The following GLI2 variants were observed in gnomAD, a reference collection of about 807,000 sequenced individuals.
GLI2 encodes GLI family zinc finger 2.
GLI2 carries 22 observed loss-of-function variants against 78.9 expected under a neutral mutation model. The observed-to-expected ratio is 0.28, with a 90% CI of 0.20 to 0.40. The LOEUF (loss-of-function observed/expected upper bound fraction) is 0.40. Among genes scored for constraint, GLI2 ranks in the 10% least tolerant of loss-of-function variants. The probability of loss-of-function intolerance (pLI) is 1.00; values close to 1 mark genes in which losing one functional copy is unlikely to be tolerated. For missense variants in GLI2, 2,097 were observed against 2,213.2 expected, an observed-to-expected ratio of 0.95 and a Z score of 1.05; for synonymous variants, 974 against 963.7, an observed-to-expected ratio of 1.01 and a Z score of -0.20.
chr2:120,736,824 C>A (rs990534807), intron 1 of GLI2, among the ~76,000 whole-genome samples: 1 of 151,824 alleles, frequency 6.6e-6, no homozygotes, highest in East Asian at 2.0e-4. Context: ...TCCTTCCTCC[C>A]CCTCGCCCGG....
chr2:120,974,767 AAAAGGC>A (rs1281260671), intron 8 of GLI2, among the ~76,000 whole-genome samples: 5 of 141,258 alleles, frequency 3.5e-5, no homozygotes, highest in African/African-American at 1.3e-4. Flanking sequence ...AAAGGAGCTA[AAAAGGC>A]TGATGAGTGT....
chr2:120,855,226 TC>T (rs1285654511), intron 2 of GLI2, among the ~76,000 whole-genome samples: 1 of 152,176 alleles, frequency 6.6e-6, no homozygotes, highest in Non-Finnish European at 1.5e-5. Context: ...GAGAAAATGG[TC>T]CCTGGGAGGT....
At chr2:120,947,753 C>T (rs918236323) in intron 3 of GLI2, among the ~76,000 whole-genome samples, 4 of 152,224 alleles carry the variant, frequency 2.6e-5, no homozygotes, top group Admixed American at 1.3e-4. Flanking sequence ...CACAGCCAAG[C>T]GGGAAGGATT....
In GLI2 at chr2:120,959,596, C is replaced by T. The variant is rs755258734; in HGVS notation, c.643+4166C>T. Reference sequence around the variant, plus strand: ...CGAGGCCTGTGTGGACGGTTACTCACGTATGTCTCTAAGAGACGCTGAACA... The same window carrying T: ...CGAGGCCTGTGTGGACGGTTACTCATGTATGTCTCTAAGAGACGCTGAACA... On this transcript the variant is annotated intron_variant, in intron 5 of 13. Coordinates refer to ENST00000361492, the MANE Select transcript of GLI2 (RefSeq NM_001374353.1). 2.0e-5 allele frequency among the ~76,000 whole-genome samples: 3 copies of T among 152,238 alleles called. No homozygotes were observed. The South Asian group carries it at 6.2e-4, about 32-fold the overall frequency.
chr2:120,939,771 G>A (rs1680367052), intron 3 of GLI2, among the ~76,000 whole-genome samples: 1 of 152,148 alleles, frequency 6.6e-6, no homozygotes, highest in Non-Finnish European at 1.5e-5. Flanking sequence ...GTTATTTAAG[G>A]TAAATGCATG....
chr2:120,951,889 C>T (rs1681013092), intron 4 of GLI2: 1 of 156,828 alleles, frequency 6.4e-6, no homozygotes, highest in Non-Finnish European at 1.4e-5. Flanking sequence ...AGTGGCAGCC[C>T]AGGCCCTGGG....
intron 2 of GLI2, among the ~76,000 whole-genome samples, chr2:120,808,307 G>A (rs1040192445): frequency 2.0e-5 from 3 of 152,152 alleles, no homozygotes; most frequent in East Asian, 3.9e-4. Context: ...CCCTGCCCCC[G>A]CCGAGTGCTG....
rs1553480328 is a variant in GLI2, at chr2:120,992,050, A to ACC, written c.*1378_*1379dup. 1,130 of 146,888 alleles carry ACC rather than the reference A, an allele frequency of 7.7e-3. 14 individuals are homozygous for ACC. Among genetic ancestry groups the ACC allele is most frequent in the African/African-American group, 0.019 (715 of 38,146 alleles). The allele number at this position is 146,888 out of a possible 1,614,324, so 9.1% of individuals were successfully genotyped here. On this transcript the variant is annotated 3_prime_UTR_variant, in exon 14 of 14. Coordinates refer to ENST00000361492, the MANE Select transcript of GLI2 (RefSeq NM_001374353.1). Reference sequence around the variant, plus strand: ...CACACACACACACACACACACACACACCCCAAACCTTTTCATGGGGAATGT... The same window carrying ACC: ...CACACACACACACACACACACACACACCCCCCAAACCTTTTCATGGGGAATGT...
At chr2:120,984,359 C>A in intron 11 of GLI2, 112 bp from the exon 12 acceptor site, 1 of 1,130,404 alleles carries the variant, frequency 8.8e-7, no homozygotes. Context: ...ACTGACGTTG[C>A]CAGCTGGGCT....
chr2:120,782,568 G>A (rs1236593205), intron 1 of GLI2, among the ~76,000 whole-genome samples: 2 of 152,226 alleles, frequency 1.3e-5, no homozygotes, highest in African/African-American at 4.8e-5. Flanking sequence ...ATGCACCACT[G>A]CCTCTTTACA....
chr2:120,831,722 G>A (rs1303039950), intron 2 of GLI2, among the ~76,000 whole-genome samples: 1 of 152,170 alleles, frequency 6.6e-6, no homozygotes, highest in African/African-American at 2.4e-5. Context: ...TCCTGGTCTG[G>A]TGGCTGGGAG....
chr2:120,910,210 A>G (rs1678747097), intron 2 of GLI2, among the ~76,000 whole-genome samples: 1 of 151,304 alleles, frequency 6.6e-6, no homozygotes, highest in Non-Finnish European at 1.5e-5. Flanking sequence ...AATGCTAACA[A>G]GCCGTTTGGG....
intron 9 of GLI2, among the ~76,000 whole-genome samples, chr2:120,977,920 A>G (rs896061278): frequency 9.7e-4 from 148 of 152,330 alleles, no homozygotes; most frequent in African/African-American, 3.5e-3. Flanking sequence ...TTATTTTTCT[A>G]TTGAAACAAA....
At position 120,989,632 on chromosome 2, in the gene GLI2, A is replaced by G; in HGVS notation, c.3667A>G (p.Thr1223Ala). Reference protein sequence around the residue: ...AGSQCPGMTTTMSPHACYGQV... With the variant: ...AGSQCPGMTTAMSPHACYGQV... ...CAGCCAGTGTCCTGGCATGACTACC[A>G]CTATGAGCCCCCATGCCTGCTATGG... The change falls in exon 14 of 14, where the codon ACT becomes GCT. Residue 1223 changes from threonine (T) to alanine (A), a missense_variant. Thr to Ala is a moderately conservative substitution (Grantham distance 58). Coordinates refer to ENST00000361492, the MANE Select transcript of GLI2 (RefSeq NM_001374353.1). 6.2e-7 allele frequency: 1 copy of G among 1,613,234 alleles called. No individual in the cohort carries two copies. The highest frequency in any genetic ancestry group is 8.5e-7 in the Non-Finnish European group (1 of 1,179,922).
At chr2:120,978,648 A>T in intron 10 of GLI2, 65 bp downstream of exon 10, 1 of 1,568,258 alleles carries the variant, frequency 6.4e-7, no homozygotes, top group Admixed American at 1.8e-5. Flanking sequence ...GGCCGGGGGG[A>T]TCATGTTTGG....
intron 2 of GLI2, among the ~76,000 whole-genome samples, chr2:120,849,812 T>G (rs1023661805): frequency 2.0e-5 from 3 of 152,152 alleles, no homozygotes; most frequent in African/African-American, 7.2e-5. Flanking sequence ...GATGAAAATG[T>G]AAACAGAAAA....
chr2:120,965,136 G>A (rs1681777542), intron 5 of GLI2, among the ~76,000 whole-genome samples: 2 of 152,180 alleles, frequency 1.3e-5, no homozygotes, highest in Admixed American at 6.5e-5. Context: ...CTCCAGCCAG[G>A]ATGCAGATGC....
Position 120,948,419 on chromosome 2 carries a change from T to C in GLI2, c.255-2824T>C, listed in dbSNP as rs537217959. ...GGCTCCTGACTCCCTTGGTGATGCT[T>C]GCGGTGGGAAGGGGGAGGTGGAGTC... On this transcript the variant is annotated intron_variant, in intron 3 of 13. Coordinates refer to ENST00000361492, the MANE Select transcript of GLI2 (RefSeq NM_001374353.1). Among the ~76,000 whole-genome samples, 444 of 152,162 alleles carry C rather than the reference T, an allele frequency of 2.9e-3. 1 individual carries two copies. Among genetic ancestry groups the C allele is most frequent in the African/African-American group, 0.01 (432 of 41,508 alleles).
intron 2 of GLI2, among the ~76,000 whole-genome samples, chr2:120,884,288 A>G (rs11884713): frequency 6.6e-6 from 1 of 152,162 alleles, no homozygotes; most frequent in African/African-American, 2.4e-5. Flanking sequence ...CTGCGCGCCC[A>G]TGTGCGGGCC....
Sources: allele counts gnomAD v4.1 joint callset (sites outside exome capture counted in the v4.1 genomes callset), GRCh38; gene constraint gnomAD v4.1.1; transcripts MANE v1.5; gene names NCBI Gene and HGNC (gene_info 2026-07-23, HGNC 2026-07-21).